Variants in WASHC4 observed in about 807,000 individuals in gnomAD.
The protein encoded by WASHC4 is WASH complex subunit 7.
A neutral mutation model predicts 166.6 loss-of-function variants in WASHC4; 86 were observed. The observed-to-expected ratio is 0.52, with a 90% CI of 0.43 to 0.62. The LOEUF (loss-of-function observed/expected upper bound fraction) is 0.62. Ranked by LOEUF, WASHC4 falls within the 20% of genes least tolerant of loss-of-function variation. WASHC4 has a pLI of 0.00. For synonymous variants in WASHC4, 446 were observed against 451.6 expected, an observed-to-expected ratio of 0.99 and a Z score of 0.16; for missense variants, 1,262 against 1,382.4, an observed-to-expected ratio of 0.91 and a Z score of 1.38.
chr12:105,134,634 TTAACTA>T (rs1882147419), intron 14 of WASHC4, among the ~76,000 whole-genome samples: 1 of 152,124 alleles, frequency 6.6e-6, no homozygotes, highest in South Asian at 2.1e-4. Flanking sequence ...TCGTGTGATA[TTAACTA>T]TAACTGTTTT....
chr12:105,140,333 G>T lies in WASHC4; in HGVS notation c.1492G>T (p.Ala498Ser), dbSNP rs1463620069. Reference sequence around the variant, plus strand: ...GTTCTACAGGAGAAGCATGGTTGTGGCTGATTCAGTTTCACATATAACACA... The same window carrying T: ...GTTCTACAGGAGAAGCATGGTTGTGTCTGATTCAGTTTCACATATAACACA... ...HMFYRRSMVV[A>S]DSVSHITQHL... is the part of the protein sequence containing the mutation. The change falls in exon 16 of 33, where the codon GCT becomes TCT. Residue 498 changes from alanine to serine, a missense_variant. Transcript: ENST00000332180. The T allele has an allele frequency of 5.0e-6, 8 of 1,613,768 alleles. No individual in the cohort carries two copies. The highest frequency in any genetic ancestry group is 1.7e-5 in the Admixed American group (1 of 60,014).
intron 15 of WASHC4, among the ~76,000 whole-genome samples, chr12:105,138,407 A>G (rs1196630890): frequency 2.0e-5 from 3 of 151,798 alleles, no homozygotes; most frequent in African/African-American, 7.2e-5. Context: ...TATAGTGTTT[A>G]CATGCGTATG....
At chr12:105,116,350 A>C (rs1409469256) in intron 6 of WASHC4, among the ~76,000 whole-genome samples, 1 of 152,204 alleles carries the variant, frequency 6.6e-6, no homozygotes, top group Non-Finnish European at 1.5e-5. Context: ...TAGGCATGCT[A>C]ACATACTGTT....
Position 105,137,785 on chromosome 12 carries a change from CATT to C in WASHC4, c.1327-99_1327-97del, listed in dbSNP as rs1356868950. The stretch of plus-strand genomic sequence containing the variant: ...CTGGCTTTAAGATGAACTTTAGAAA[CATT>C]AGTTATTGGTAAGTTGAGGAATAGC... On this transcript the variant is annotated intron_variant, in intron 14 of 32. Transcript: ENST00000332180. 43 of 953,352 alleles carry C rather than the reference CATT, an allele frequency of 4.5e-5. No homozygotes were observed. The East Asian group carries it at 1.1e-3, about 25-fold the overall frequency. 59.1% of individuals were successfully genotyped at this position (953,352 alleles called of 1,614,324 possible). A position where few individuals can be genotyped will look rare whatever the true frequency, so the allele number is the denominator to read the frequency against.
chr12:105,141,258 T>G lies in WASHC4; in HGVS notation c.1787+12T>G. The G allele has an allele frequency of 6.5e-7, 1 of 1,526,872 alleles. No homozygotes were observed. The highest frequency in any genetic ancestry group is 9.1e-7 in the Non-Finnish European group (1 of 1,100,518). The allele number at this position is 1,526,872 out of a possible 1,614,324, so 94.6% of individuals were successfully genotyped here. ...GAACTTAGAGAACGGTAAGTAGGAC[T>G]GGGATATGCTGTGGTACTCCAAAGA... On this transcript the variant is annotated intron_variant, in intron 18 of 32. Coordinates refer to ENST00000332180, the MANE Select transcript of WASHC4 (RefSeq NM_015275.3).
intron 10 of WASHC4, among the ~76,000 whole-genome samples, chr12:105,123,086 C>T (rs1222286708): frequency 1.3e-5 from 2 of 152,192 alleles, no homozygotes; most frequent in South Asian, 2.1e-4. Context: ...AGGCCAGGCA[C>T]GCAGATCACG....
chr12:105,107,962 G>A, intron 1 of WASHC4, 101 bp downstream of exon 1: 1 of 874,582 alleles, frequency 1.1e-6, no homozygotes, highest in South Asian at 1.4e-5. Context: ...CTGCGCAGCC[G>A]TCTGGTGCGG....
Position 105,111,146 on chromosome 12 carries a change from T to C in WASHC4, c.83T>C (p.Leu28Pro). 6.2e-7 allele frequency: 1 copy of C among 1,607,372 alleles called. No individual in the cohort carries two copies. The highest frequency in any genetic ancestry group is 8.5e-7 in the Non-Finnish European group (1 of 1,174,604). Residue 28 changes from leucine (L) to proline (P), a missense_variant, in exon 2 of 33, where the codon CTT (leucine) becomes CCT (proline). By Grantham distance (98) the Leu-to-Pro change is moderately conservative. Coordinates refer to ENST00000332180, the MANE Select transcript of WASHC4 (RefSeq NM_015275.3). ...TTAGAAATTCATGCCGAAGTCCAAC[T>C]TAAGAATTATGGGAAATTTCTTGAG... ...GSQKIHAEVQ[L>P]KNYGKFLEEY...
chr12:105,164,430 C>A, intron 31 of WASHC4, 123 bp downstream of exon 31: 1 of 919,736 alleles, frequency 1.1e-6, no homozygotes, highest in Non-Finnish European at 1.7e-6. Context: ...TGAATAGTGG[C>A]AAAAAGATTA....
In WASHC4 at chr12:105,137,888, C is replaced by T. The variant is rs756856503; in HGVS notation, c.1329C>T (p.Gly443=). The change falls in exon 15 of 33, where the codon GGC becomes GGT. Residue 443 remains glycine, a splice_region_variant and synonymous_variant. Coordinates refer to ENST00000332180, the MANE Select transcript of WASHC4 (RefSeq NM_015275.3). ...LTNRCNVFIQ[G]FLYAYSISTI... is the part of the protein sequence containing the mutation. ...ATAATCAATGTTTTCCTTTACAGGG[C>T]TTCTTGTATGCATATAGTATTAGTA... is the stretch of plus-strand genomic sequence containing the variant. 3 of 1,603,318 alleles carry T rather than the reference C, an allele frequency of 1.9e-6. No homozygotes were observed. Among genetic ancestry groups the T allele is most frequent in the Admixed American group, 3.3e-5 (2 of 59,940 alleles).
At chr12:105,123,681 G>A (rs1881002836) in intron 10 of WASHC4, among the ~76,000 whole-genome samples, 1 of 152,226 alleles carries the variant, frequency 6.6e-6, no homozygotes, top group Non-Finnish European at 1.5e-5. Flanking sequence ...TGCAAAAGCA[G>A]CAAGTGCTCA....
At position 105,127,187 on chromosome 12, in the gene WASHC4, A is replaced by G. The variant is rs779728709; in HGVS notation, c.1097A>G (p.Gln366Arg). Reference sequence around the variant, plus strand: ...TGGTTTCCTGATAATTTTCTGATCCAGAAAATACCAGCAGCTGCCAAACTG... The same window carrying G: ...TGGTTTCCTGATAATTTTCTGATCCGGAAAATACCAGCAGCTGCCAAACTG... ...IIWFPDNFLI[Q>R]KIPAAAKLLD... Residue 366 changes from glutamine (Q) to arginine (R), a missense_variant, in exon 13 of 33, where the codon CAG becomes CGG. By Grantham distance (43) the Gln-to-Arg change is conservative. Coordinates refer to ENST00000332180, the MANE Select transcript of WASHC4 (RefSeq NM_015275.3). The G allele has an allele frequency of 6.2e-7, 1 of 1,612,860 alleles. No homozygotes were observed. The highest frequency in any genetic ancestry group is 1.1e-5 in the South Asian group (1 of 91,056).
chr12:105,126,214 C>G, intron 11 of WASHC4, 21 bp from the exon 12 acceptor site: 3 of 1,612,428 alleles, frequency 1.9e-6, no homozygotes, highest in Non-Finnish European at 2.5e-6. Context: ...TCTGCTTTCT[C>G]TTATGTTATT....
rs368029316 is a variant in WASHC4, at chr12:105,126,064, A to G, written c.847A>G (p.Thr283Ala). 2.6e-5 allele frequency: 42 copies of G among 1,612,728 alleles called. No homozygotes were observed. The African/African-American group carries it at 5.1e-4, about 19-fold the overall frequency. The change falls in exon 11 of 33, where the codon ACT becomes GCT. Residue 283 changes from threonine (T) to alanine (A), a missense_variant. Thr to Ala is a moderately conservative substitution (Grantham distance 58). Transcript: ENST00000332180. Reference protein sequence around the residue: ...NGGVSVSKNSTFAEEFAHSIR... With the variant: ...NGGVSVSKNSAFAEEFAHSIR... Reference sequence around the variant, plus strand: ...AGGAGTATCTGTGTCAAAAAATAGTACTTTTGCTGAGGAATTTGCACATAG... The same window carrying G: ...AGGAGTATCTGTGTCAAAAAATAGTGCTTTTGCTGAGGAATTTGCACATAG...
chr12:105,124,484 T>A (rs1469909831), intron 10 of WASHC4, among the ~76,000 whole-genome samples: 1 of 151,448 alleles, frequency 6.6e-6, no homozygotes, highest in Non-Finnish European at 1.5e-5. Flanking sequence ...TTTTTTTGGT[T>A]TTGTTTTTGT....
At chr12:105,154,712 C>T (rs1884012741) in intron 26 of WASHC4, among the ~76,000 whole-genome samples, 1 of 152,136 alleles carries the variant, frequency 6.6e-6, no homozygotes, top group African/African-American at 2.4e-5. Flanking sequence ...GGTAACATAA[C>T]ATAATTTGTA....
At chr12:105,156,592 TG>T (rs1884175967) in intron 26 of WASHC4, 133 bp from the exon 27 acceptor site, 2 of 631,646 alleles carry the variant, frequency 3.2e-6, no homozygotes, top group African/African-American at 3.7e-5. Flanking sequence ...TGATAAGAAC[TG>T]AAGTAAAATA....
intron 1 of WASHC4, among the ~76,000 whole-genome samples, chr12:105,108,858 T>C (rs1879352883): frequency 6.6e-6 from 1 of 152,124 alleles, no homozygotes; most frequent in East Asian, 1.9e-4. Flanking sequence ...AATTAGGTTT[T>C]ACAAGTCTCT....
In WASHC4 at chr12:105,140,207, C is replaced by T. The variant is rs1421851826; in HGVS notation, c.1453-87C>T. On this transcript the variant is annotated intron_variant, in intron 15 of 32. Transcript: ENST00000332180. ...TTTGTATCTCATTTACAAATCCCTT[C>T]CCTAGCCTAAGGTCGTAAAGATCTT... 8 of 954,898 alleles carry T rather than the reference C, an allele frequency of 8.4e-6. No individual in the cohort carries two copies. In the Admixed American group the frequency reaches 1.4e-4, roughly 16 times the overall value. 59.2% of individuals were successfully genotyped at this position (954,898 alleles called of 1,614,324 possible).
Sources: gnomAD v4.1 joint callset for allele counts (sites outside exome capture counted in the v4.1 genomes callset) on GRCh38, gnomAD v4.1.1 for gene constraint, MANE v1.5 for transcripts, NCBI Gene and HGNC (gene_info 2026-07-23, HGNC 2026-07-21) for gene names.